The following GABBR2 variants were observed in gnomAD, a reference collection of about 807,000 sequenced individuals.
The protein encoded by GABBR2 is gamma-aminobutyric acid type B receptor subunit 2.
Under a neutral mutation model 105.6 loss-of-function variants are expected in GABBR2, and 23 were observed. The ratio of observed to expected loss-of-function variants is 0.22; its 90% CI spans 0.16 to 0.31. The LOEUF is 0.31. Among genes scored for constraint, GABBR2 ranks in the 10% least tolerant of loss-of-function variants. GABBR2 has a pLI of 1.00. For missense variants in GABBR2, 734 were observed against 1,245.5 expected (o/e 0.59, Z 6.18); for synonymous variants, 478 against 499.7 (o/e 0.96, Z 0.58).
intron 7 of GABBR2, among the ~76,000 whole-genome samples, chr9:98,415,937 C>T (rs146810633): frequency 7.2e-5 from 11 of 152,170 alleles, no homozygotes; most frequent in South Asian, 2.1e-4. Context: ...GTAAGTACCA[C>T]GTGACCTTGG....
chr9:98,432,815 A>T (rs767498131), intron 7 of GABBR2, among the ~76,000 whole-genome samples: 41 of 152,134 alleles, frequency 2.7e-4, no homozygotes, highest in Non-Finnish European at 2.2e-4. Context: ...GCCCCACGTG[A>T]GGCCCACTGA....
At chr9:98,375,982 G>A (rs114762836) in intron 11 of GABBR2, among the ~76,000 whole-genome samples, 3,129 of 152,252 alleles carry the variant, frequency 0.021, 107 homozygotes, top group African/African-American at 0.072. Context: ...AAAGTCTTAC[G>A]TGTGTTTATT....
chr9:98,423,343 C>T (rs1344697648), intron 7 of GABBR2, among the ~76,000 whole-genome samples: 1 of 152,218 alleles, frequency 6.6e-6, no homozygotes, highest in African/African-American at 2.4e-5. Flanking sequence ...TTTTGATTTG[C>T]ATTTCTCTGA....
At chr9:98,486,186 C>G (rs1396727824) in intron 4 of GABBR2, among the ~76,000 whole-genome samples, 4 of 152,194 alleles carry the variant, frequency 2.6e-5, no homozygotes, top group African/African-American at 9.6e-5. Flanking sequence ...GGTGGTGGCA[C>G]TGGCCTTGCC....
At chr9:98,627,411 T>A (rs1409018539) in intron 1 of GABBR2, among the ~76,000 whole-genome samples, 3 of 152,144 alleles carry the variant, frequency 2.0e-5, no homozygotes, top group Admixed American at 6.5e-5. Context: ...GTGTATGAGA[T>A]GGAGAGAGTT....
intron 7 of GABBR2, among the ~76,000 whole-genome samples, chr9:98,431,282 G>T (rs1825804969): frequency 6.6e-6 from 1 of 152,004 alleles, no homozygotes; most frequent in Non-Finnish European, 1.5e-5. Context: ...AGCAACCATT[G>T]TCTTCTGACA....
chr9:98,686,019 C>T (rs974410937), intron 1 of GABBR2, among the ~76,000 whole-genome samples: 1 of 152,160 alleles, frequency 6.6e-6, no homozygotes, highest in Non-Finnish European at 1.5e-5. Flanking sequence ...CTCCTCTGAT[C>T]CTCTTCCCAA....
chr9:98,378,850 A>G (rs1831922744), intron 11 of GABBR2, among the ~76,000 whole-genome samples: 1 of 152,208 alleles, frequency 6.6e-6, no homozygotes, highest in South Asian at 2.1e-4. Flanking sequence ...TCAGTTTGTG[A>G]AAATTCACTG....
At chr9:98,458,429 C>T (rs868444106) in intron 6 of GABBR2, among the ~76,000 whole-genome samples, 1 of 152,220 alleles carries the variant, frequency 6.6e-6, no homozygotes, top group African/African-American at 2.4e-5. Flanking sequence ...CACGGCTGGG[C>T]ACGGTGTCCC....
At chr9:98,505,024 G>A (rs1827478109) in intron 3 of GABBR2, among the ~76,000 whole-genome samples, 2 of 152,368 alleles carry the variant, frequency 1.3e-5, no homozygotes, top group South Asian at 4.1e-4. Flanking sequence ...GCACCCCCGT[G>A]GTGCTGGAGC....
chr9:98,681,681 A>AT (rs1221879783), intron 1 of GABBR2, among the ~76,000 whole-genome samples: 3 of 152,190 alleles, frequency 2.0e-5, no homozygotes, highest in East Asian at 1.9e-4. Flanking sequence ...CCTAAAAATT[A>AT]TTTTTTATAA....
intron 6 of GABBR2, among the ~76,000 whole-genome samples, chr9:98,470,294 A>C (rs1336063268): frequency 2.6e-5 from 4 of 152,230 alleles, no homozygotes; most frequent in African/African-American, 9.6e-5. Flanking sequence ...AATGTACAAA[A>C]GAAAGAGGTT....
intron 1 of GABBR2, among the ~76,000 whole-genome samples, chr9:98,677,013 C>T (rs1248102047): frequency 6.6e-6 from 1 of 152,180 alleles, no homozygotes; most frequent in Non-Finnish European, 1.5e-5. Flanking sequence ...GGACCTGGGA[C>T]CTCAGATGGC....
chr9:98,350,838 G>T (rs763696175), intron 13 of GABBR2, among the ~76,000 whole-genome samples: 12 of 152,090 alleles, frequency 7.9e-5, no homozygotes, highest in Non-Finnish European at 1.3e-4. Context: ...AAAGTGGGGT[G>T]TTAACATCTC....
intron 2 of GABBR2, among the ~76,000 whole-genome samples, chr9:98,548,937 G>T (rs1455903108): frequency 3.3e-5 from 4 of 120,566 alleles, no homozygotes; most frequent in African/African-American, 1.1e-4. Context: ...TATTTGTTTG[G>T]TTGGTTGGTT....
chr9:98,431,937 C>G (rs1288869206), intron 7 of GABBR2, among the ~76,000 whole-genome samples: 1 of 151,866 alleles, frequency 6.6e-6, no homozygotes, highest in East Asian at 1.9e-4. Flanking sequence ...GTTCTGCTGC[C>G]CAGGCTGGTG....
chr9:98,652,373 A>G (rs943515019), intron 1 of GABBR2, among the ~76,000 whole-genome samples: 3 of 152,158 alleles, frequency 2.0e-5, no homozygotes, highest in Non-Finnish European at 4.4e-5. Context: ...ACAACCTCCC[A>G]GTTGCAGGGT....
intron 2 of GABBR2, among the ~76,000 whole-genome samples, chr9:98,562,054 A>G (rs1208280347): frequency 6.6e-6 from 1 of 152,146 alleles, no homozygotes; most frequent in Non-Finnish European, 1.5e-5. Flanking sequence ...ACAGAGGGGG[A>G]AAAATGTATA....
intron 1 of GABBR2, among the ~76,000 whole-genome samples, chr9:98,590,500 A>G (rs1829131841): frequency 6.6e-6 from 1 of 152,250 alleles, no homozygotes; most frequent in Admixed American, 6.5e-5. Context: ...TTTCCTAATT[A>G]GCTGTCAGTA....
Sources: allele counts gnomAD v4.1 joint callset (sites outside exome capture counted in the v4.1 genomes callset), GRCh38; gene constraint gnomAD v4.1.1; transcripts MANE v1.5; gene names NCBI Gene and HGNC (gene_info 2026-07-23, HGNC 2026-07-21).